Variants in CEP128 observed in about 807,000 individuals in gnomAD.
CEP128 encodes the protein centrosomal protein 128kDa.
A neutral mutation model predicts 156.7 loss-of-function variants in CEP128; 132 were observed. The observed-to-expected ratio is 0.84, with a 90% CI of 0.73 to 0.97. CEP128 has a LOEUF of 0.97. Ranked by LOEUF, CEP128 falls within the 50% of genes least tolerant of loss-of-function variation. The pLI, the probability that CEP128 is intolerant of heterozygous loss-of-function variation, is 0.00. For missense variants in CEP128, 1,252 were observed against 1,281.9 expected, an observed-to-expected ratio of 0.98 and a Z score of 0.36; for synonymous variants, 469 against 448.9, an observed-to-expected ratio of 1.04 and a Z score of -0.57.
At chr14:80,763,656 A>T (rs1900081578) in intron 16 of CEP128, among the ~76,000 whole-genome samples, 1 of 152,196 alleles carries the variant, frequency 6.6e-6, no homozygotes, top group Non-Finnish European at 1.5e-5. Context: ...AAATTGTAAT[A>T]TAATTATTTG....
chr14:80,497,695 A>G (rs1566740144), intron 24 of CEP128, 113 bp from the exon 25 acceptor site: 1 of 678,964 alleles, frequency 1.5e-6, no homozygotes. Flanking sequence ...CGAGTTTTCT[A>G]TAATTAAACT....
chr14:80,528,333 G>A (rs1484143067), intron 22 of CEP128, among the ~76,000 whole-genome samples: 2 of 152,352 alleles, frequency 1.3e-5, no homozygotes, highest in Admixed American at 1.3e-4. Context: ...CTGTCACCCA[G>A]GCTGGAGTGC....
chr14:80,495,379 T>C (rs1887458305), downstream of CEP128, among the ~76,000 whole-genome samples: 2 of 152,176 alleles, frequency 1.3e-5, no homozygotes, highest in Non-Finnish European at 2.9e-5. Flanking sequence ...TTTAATTCTA[T>C]ATAAACAGGA....
rs1050196754 is a variant in CEP128, at chr14:80,833,899, C to T, written c.1057+2306G>A. On this transcript the variant is annotated intron_variant, in intron 12 of 24. Coordinates refer to ENST00000555265, the MANE Select transcript of CEP128 (RefSeq NM_152446.5). ...GGAGAGAATAAATAATTTCTATGTT[C>T]TTTGCATTTTAGGCTTGGATGTCTG... Among the ~76,000 whole-genome samples the T allele has an allele frequency of 3.9e-5, 6 of 152,076 alleles. No homozygotes were observed. The East Asian group carries it at 9.6e-4, about 24-fold the overall frequency.
intron 17 of CEP128, 33 bp from the exon 18 acceptor site, chr14:80,756,984 AT>A: frequency 7.3e-7 from 1 of 1,372,630 alleles, no homozygotes; most frequent in Non-Finnish European, 1.0e-6. Flanking sequence ...TTAGAAATAC[AT>A]TTTTCTCTGA....
At chr14:80,609,086 T>C (rs1892897588) in intron 19 of CEP128, among the ~76,000 whole-genome samples, 1 of 152,222 alleles carries the variant, frequency 6.6e-6, no homozygotes, top group African/African-American at 2.4e-5. Flanking sequence ...ATTAGAGACA[T>C]ACTAATGATA....
At chr14:80,664,148 A>T (rs1487944792) in intron 19 of CEP128, among the ~76,000 whole-genome samples, 2 of 152,184 alleles carry the variant, frequency 1.3e-5, no homozygotes, top group Admixed American at 1.3e-4. Flanking sequence ...TTAATTATGG[A>T]CAATAATCTA....
chr14:80,855,179 T>C (rs1887085056), intron 9 of CEP128, among the ~76,000 whole-genome samples: 1 of 152,148 alleles, frequency 6.6e-6, no homozygotes, highest in Non-Finnish European at 1.5e-5. Flanking sequence ...TGTCCTGTTG[T>C]GATAGTGCTT....
At chr14:80,856,724 T>C (rs1347438401) in intron 9 of CEP128, among the ~76,000 whole-genome samples, 2 of 86,044 alleles carry the variant, frequency 2.3e-5, no homozygotes, top group Non-Finnish European at 4.8e-5. Flanking sequence ...TCTTTTCTTT[T>C]TTTTTTTTTT....
In CEP128 at chr14:80,838,203, C is replaced by A. The variant is rs746212784; in HGVS notation, c.924+1G>T. ...TATTATAATAACTTGCATAGACTTA[C>A]CTGATGCAAAAGTGTTTCTCGGCTG... On this transcript the variant is annotated splice_donor_variant, in intron 11 of 24. Coordinates refer to ENST00000555265, the MANE Select transcript of CEP128 (RefSeq NM_152446.5). LOFTEE classifies it high-confidence loss of function. 2 of 1,599,806 alleles carry A rather than the reference C, an allele frequency of 1.3e-6. No homozygotes were observed. Among genetic ancestry groups the A allele is most frequent in the Non-Finnish European group, 1.7e-6 (2 of 1,167,216 alleles).
chr14:80,650,593 T>A (rs1469456407), intron 19 of CEP128, among the ~76,000 whole-genome samples: 2 of 152,220 alleles, frequency 1.3e-5, no homozygotes, highest in Non-Finnish European at 2.9e-5. Context: ...ACATGTTCCA[T>A]CAATACCTAG....
intron 21 of CEP128, among the ~76,000 whole-genome samples, chr14:80,545,008 G>A (rs1309155487): frequency 6.6e-6 from 1 of 152,160 alleles, no homozygotes; most frequent in Non-Finnish European, 1.5e-5. Context: ...ATTGGGTTCA[G>A]TTGACCCTGA....
intron 19 of CEP128, among the ~76,000 whole-genome samples, chr14:80,605,164 T>A (rs1339288171): frequency 1.3e-5 from 2 of 152,122 alleles, no homozygotes; most frequent in African/African-American, 4.8e-5. Context: ...TATTATCTGC[T>A]AAATTATTGC....
chr14:80,541,425 T>G (rs1294028955), intron 21 of CEP128, among the ~76,000 whole-genome samples: 1 of 120,546 alleles, frequency 8.3e-6, no homozygotes, highest in Non-Finnish European at 1.6e-5. Context: ...TGGCAGAAAG[T>G]GAAGCTAATG....
At chr14:80,851,803 G>A (rs1886903891) in intron 9 of CEP128, among the ~76,000 whole-genome samples, 1 of 151,732 alleles carries the variant, frequency 6.6e-6, no homozygotes, top group Non-Finnish European at 1.5e-5. Flanking sequence ...GAAATACTAA[G>A]GAAAGATTAA....
chr14:80,505,181 T>C (rs1887916870), intron 23 of CEP128, among the ~76,000 whole-genome samples, 161 bp from the exon 24 acceptor site: 1 of 152,226 alleles, frequency 6.6e-6, no homozygotes, highest in Admixed American at 6.5e-5. Flanking sequence ...TATGTGCATG[T>C]TAAGGATAAT....
intron 18 of CEP128, among the ~76,000 whole-genome samples, chr14:80,747,829 T>C (rs1389852623): frequency 6.6e-6 from 1 of 152,110 alleles, no homozygotes; most frequent in African/African-American, 2.4e-5. Flanking sequence ...TAGACAAATC[T>C]ACAGGGACAG....
chr14:80,551,434 T>C (rs947760754), intron 21 of CEP128, among the ~76,000 whole-genome samples: 3 of 152,204 alleles, frequency 2.0e-5, no homozygotes, highest in Non-Finnish European at 4.4e-5. Context: ...GACCTACAGA[T>C]TGGCAAAGCC....
At chr14:80,613,663 G>A (rs986282344) in intron 19 of CEP128, among the ~76,000 whole-genome samples, 7 of 151,876 alleles carry the variant, frequency 4.6e-5, no homozygotes, top group African/African-American at 7.3e-5. Flanking sequence ...TTCAAATGAC[G>A]CTTTATAAGA....
Sources: allele counts gnomAD v4.1 joint callset (sites outside exome capture counted in the v4.1 genomes callset), GRCh38; gene constraint gnomAD v4.1.1; transcripts MANE v1.5; gene names NCBI Gene and HGNC (gene_info 2026-07-23, HGNC 2026-07-21).